Variants in SSBP2 observed in about 807,000 individuals in gnomAD.
SSBP2 encodes single stranded DNA binding protein 2.
A neutral mutation model predicts 61.8 loss-of-function variants in SSBP2; 17 were observed. The observed-to-expected ratio is 0.28, with a 90% confidence interval of 0.19 to 0.41. The LOEUF (loss-of-function observed/expected upper bound fraction) is 0.41, where lower values mean the gene tolerates loss of function less well. Ranked by LOEUF, SSBP2 falls within the 10% of genes least tolerant of loss-of-function variation. SSBP2 has a pLI of 1.00. For synonymous variants in SSBP2, 139 were observed against 141.3 expected (o/e 0.98, Z 0.12); for missense variants, 310 against 458.7 (o/e 0.68, Z 2.96).
chr5:81,626,981 A>T (rs1360840863), intron 3 of SSBP2, among the ~76,000 whole-genome samples: 3 of 152,226 alleles, frequency 2.0e-5, no homozygotes, highest in Admixed American at 1.3e-4. Flanking sequence ...AGAGAAAATA[A>T]ATGTTATGTA....
At chr5:81,446,742 C>T in intron 12 of SSBP2, 126 bp downstream of exon 12, 1 of 841,842 alleles carries the variant, frequency 1.2e-6, no homozygotes, top group Non-Finnish European at 1.8e-6. Context: ...TCCTACCATG[C>T]TGCCTCTACT....
chr5:81,600,561 C>CAAAAAA (rs35204869), intron 4 of SSBP2, among the ~76,000 whole-genome samples: 42 of 87,392 alleles, frequency 4.8e-4, no homozygotes, highest in South Asian at 8.0e-4. Context: ...GACTCTGTCT[C>CAAAAAA]AAAAAAAAAA....
chr5:81,476,051 A>G (rs576665468), intron 6 of SSBP2, among the ~76,000 whole-genome samples: 2 of 152,182 alleles, frequency 1.3e-5, no homozygotes, highest in East Asian at 1.9e-4. Flanking sequence ...TTTTTACTGC[A>G]TTTGCCTTAT....
intron 6 of SSBP2, among the ~76,000 whole-genome samples, chr5:81,485,654 C>G (rs948652793): frequency 6.6e-6 from 1 of 152,046 alleles, no homozygotes; most frequent in African/African-American, 2.4e-5. Flanking sequence ...AAAATAAACA[C>G]ATTAGTGGAT....
intron 3 of SSBP2, among the ~76,000 whole-genome samples, chr5:81,622,030 G>A (rs555645625): frequency 1.4e-4 from 20 of 144,428 alleles, no homozygotes; most frequent in East Asian, 4.0e-4. Flanking sequence ...TGGGTGCAGC[G>A]CAGCAGCATG....
At chr5:81,473,497 TTC>T (rs1299393176) in intron 8 of SSBP2, among the ~76,000 whole-genome samples, 3 of 152,136 alleles carry the variant, frequency 2.0e-5, no homozygotes, top group African/African-American at 4.8e-5. Context: ...GTGTTTGGTT[TTC>T]TGTTTCTGTG....
intron 1 of SSBP2, among the ~76,000 whole-genome samples, chr5:81,676,773 T>C (rs569410144): frequency 1.3e-5 from 2 of 152,306 alleles, no homozygotes; most frequent in South Asian, 2.1e-4. Flanking sequence ...GTATAGTAGC[T>C]AGTTATTTTA....
chr5:81,592,765 C>A (rs952045232), intron 4 of SSBP2, among the ~76,000 whole-genome samples: 1 of 152,180 alleles, frequency 6.6e-6, no homozygotes, highest in Non-Finnish European at 1.5e-5. Flanking sequence ...CTCCAACAGA[C>A]CTGCAGCTGA....
chr5:81,610,740 T>TC (rs2153586980), intron 4 of SSBP2, among the ~76,000 whole-genome samples: 1 of 152,302 alleles, frequency 6.6e-6, no homozygotes, highest in South Asian at 2.1e-4. Flanking sequence ...ACAACTGTAA[T>TC]CCCAGCACTT....
At chr5:81,610,527 T>C (rs1745342868) in intron 4 of SSBP2, among the ~76,000 whole-genome samples, 1 of 152,192 alleles carries the variant, frequency 6.6e-6, no homozygotes. Flanking sequence ...TGGGAACTGA[T>C]AAGAACTATC....
At position 81,692,012 on chromosome 5, in the gene SSBP2, C is replaced by T. The variant is rs916268914; in HGVS notation, c.63-41673G>A. Among the ~76,000 whole-genome samples the T allele has an allele frequency of 7.2e-5, 11 of 152,244 alleles. No individual in the cohort carries two copies. The South Asian group carries it at 1.2e-3, about 17-fold the overall frequency. ...ACAGTACTGGAAGTTCCAGCTAGAG[C>T]AATCAGACAAGAGAAAGAAATAAAG... On this transcript the variant is annotated intron_variant, in intron 1 of 16. Transcript: ENST00000320672.
At chr5:81,736,773 C>G (rs190109950) in intron 1 of SSBP2, among the ~76,000 whole-genome samples, 14 of 152,168 alleles carry the variant, frequency 9.2e-5, no homozygotes, top group Non-Finnish European at 1.8e-4. Flanking sequence ...TCCCTTCTAC[C>G]AATTTAAAAA....
intron 4 of SSBP2, among the ~76,000 whole-genome samples, chr5:81,519,148 C>T (rs2154091385): frequency 6.6e-6 from 1 of 152,172 alleles, no homozygotes; most frequent in South Asian, 2.1e-4. Flanking sequence ...TTTTATAATG[C>T]TCTGAAGAAG....
At chr5:81,585,611 G>A (rs1775000922) in intron 4 of SSBP2, among the ~76,000 whole-genome samples, 1 of 151,842 alleles carries the variant, frequency 6.6e-6, no homozygotes. Context: ...ACTATGGAAT[G>A]GCTGAATCAA....
At chr5:81,462,206 T>C (rs1005286362) in intron 9 of SSBP2, among the ~76,000 whole-genome samples, 1 of 152,128 alleles carries the variant, frequency 6.6e-6, no homozygotes, top group Admixed American at 6.6e-5. Context: ...TCTCATAATG[T>C]TTTAAGAAAG....
chr5:81,488,477 T>C (rs554386337), intron 6 of SSBP2, among the ~76,000 whole-genome samples: 13 of 152,254 alleles, frequency 8.5e-5, no homozygotes, highest in African/African-American at 2.9e-4. Context: ...ATTAGTGATA[T>C]TGAGCACCTT....
chr5:81,429,767 CA>C, intron 15 of SSBP2, among the ~76,000 whole-genome samples: 1 of 152,114 alleles, frequency 6.6e-6, no homozygotes, highest in Non-Finnish European at 1.5e-5. Context: ...TAAAAATTAA[CA>C]TTTCATGAAT....
At chr5:81,676,072 C>T (rs1372552170) in intron 1 of SSBP2, among the ~76,000 whole-genome samples, 1 of 152,210 alleles carries the variant, frequency 6.6e-6, no homozygotes, top group African/African-American at 2.4e-5. Flanking sequence ...GAAAGTCCCT[C>T]AGGCAACTTA....
chr5:81,520,530 AT>A (rs1769395419), intron 4 of SSBP2, among the ~76,000 whole-genome samples: 1 of 152,166 alleles, frequency 6.6e-6, no homozygotes, highest in African/African-American at 2.4e-5. Flanking sequence ...ATATGCTTTA[AT>A]TCACAAATAG....
Sources: allele counts gnomAD v4.1 joint callset (sites outside exome capture counted in the v4.1 genomes callset), GRCh38; gene constraint gnomAD v4.1.1; transcripts MANE v1.5; gene names NCBI Gene and HGNC (gene_info 2026-07-23, HGNC 2026-07-21).